FBN2: variants seen among roughly 807,000 people sequenced by gnomAD.
The protein encoded by FBN2 is fibrillin-2.
A neutral mutation model predicts 355.6 loss-of-function variants in FBN2; 105 were observed. That is an observed-to-expected ratio of 0.30 (90% confidence interval 0.25 to 0.35). The LOEUF (loss-of-function observed/expected upper bound fraction) is 0.35. Among genes scored for constraint, FBN2 ranks in the 10% least tolerant of loss-of-function variants. The probability of loss-of-function intolerance (pLI) is 1.00; values close to 1 mark genes in which losing one functional copy is unlikely to be tolerated. For missense variants in FBN2, 3,280 were observed against 3,758.7 expected, an observed-to-expected ratio of 0.87 and a Z score of 3.33; for synonymous variants, 1,350 against 1,301.2, an observed-to-expected ratio of 1.04 and a Z score of -0.81.
At chr5:128,514,542 A>G (rs905209724) in intron 5 of FBN2, among the ~76,000 whole-genome samples, 6 of 152,180 alleles carry the variant, frequency 3.9e-5, no homozygotes, top group African/African-American at 1.4e-4. Context: ...ATACTGTAAG[A>G]GTACTCAACA....
At chr5:128,509,342 T>C (rs1756049617) in intron 5 of FBN2, among the ~76,000 whole-genome samples, 1 of 152,114 alleles carries the variant, frequency 6.6e-6, no homozygotes, top group Non-Finnish European at 1.5e-5. Flanking sequence ...TCACTCGTCT[T>C]TTCGCCTATA....
intron 2 of FBN2, 140 bp downstream of exon 2, chr5:128,536,262 G>C (rs1013285191): frequency 1.5e-5 from 11 of 722,326 alleles, no homozygotes; most frequent in East Asian, 1.3e-4. Context: ...TATTCAAATG[G>C]GGCCGCGTCC....
At chr5:128,519,425 G>T in intron 4 of FBN2, 57 bp from the exon 5 acceptor site, 1 of 1,244,738 alleles carries the variant, frequency 8.0e-7, no homozygotes, top group Non-Finnish European at 1.2e-6. Flanking sequence ...GCACAATATA[G>T]TAGTGCAGTG....
At chr5:128,396,230 A>G (rs1752646413) in intron 8 of FBN2, among the ~76,000 whole-genome samples, 1 of 152,206 alleles carries the variant, frequency 6.6e-6, no homozygotes, top group African/African-American at 2.4e-5. Flanking sequence ...ATGGCGAGGG[A>G]AGAAACGGGA....
At chr5:128,279,027 T>G (rs1011890472) in intron 56 of FBN2, among the ~76,000 whole-genome samples, 186 bp from the exon 57 acceptor site, 5 of 152,230 alleles carry the variant, frequency 3.3e-5, no homozygotes, top group African/African-American at 1.2e-4. Context: ...GACTACAGTC[T>G]ATTAAATTTG....
chr5:128,392,888 T>G (rs567286184), intron 10 of FBN2, among the ~76,000 whole-genome samples: 2 of 152,186 alleles, frequency 1.3e-5, no homozygotes, highest in Non-Finnish European at 2.9e-5. Context: ...TTTTCTCTAA[T>G]TTAACAGAAA....
At chr5:128,428,310 C>T (rs1753534022) in intron 7 of FBN2, among the ~76,000 whole-genome samples, 1 of 152,198 alleles carries the variant, frequency 6.6e-6, no homozygotes, top group South Asian at 2.1e-4. Flanking sequence ...CAGCTCCCAT[C>T]CTTGAGAATT....
intron 34 of FBN2, among the ~76,000 whole-genome samples, chr5:128,321,778 A>C (rs1750381861): frequency 6.6e-6 from 1 of 152,142 alleles, no homozygotes. Context: ...TTTATAGCAG[A>C]ATGATTTATA....
Position 128,364,591 on chromosome 5 carries a change from A to G in FBN2, c.2428+9T>C, listed in dbSNP as rs368374358. On this transcript the variant is annotated intron_variant, in intron 18 of 64. Coordinates refer to ENST00000262464, the MANE Select transcript of FBN2 (RefSeq NM_001999.4). ...AAATGTTCTTGCATAAATATAACAA[A>G]TAACTTACCAATACAGTTTCTTCCA... The G allele has an allele frequency of 1.2e-6, 2 of 1,612,764 alleles. No homozygotes were observed. Among genetic ancestry groups the G allele is most frequent in the Non-Finnish European group, 1.7e-6 (2 of 1,178,926 alleles).
chr5:128,398,309 G>T (rs1752703587), intron 8 of FBN2, among the ~76,000 whole-genome samples: 1 of 151,452 alleles, frequency 6.6e-6, no homozygotes, highest in African/African-American at 2.4e-5. Context: ...TAAGTAACCA[G>T]TATATTTTTG....
intron 32 of FBN2, among the ~76,000 whole-genome samples, chr5:128,330,913 C>G (rs1362110926): frequency 6.6e-6 from 1 of 152,140 alleles, no homozygotes; most frequent in Non-Finnish European, 1.5e-5. Context: ...TGTGAGATAT[C>G]TAGTCAACGT....
chr5:128,465,784 T>G (rs1754696044), intron 5 of FBN2, among the ~76,000 whole-genome samples: 1 of 152,220 alleles, frequency 6.6e-6, no homozygotes, highest in Non-Finnish European at 1.5e-5. Flanking sequence ...AATTCTTCTA[T>G]GAATATTAAG....
intron 5 of FBN2, among the ~76,000 whole-genome samples, chr5:128,487,368 G>T (rs1755365521): frequency 6.6e-6 from 1 of 152,082 alleles, no homozygotes; most frequent in African/African-American, 2.4e-5. Flanking sequence ...TTTTACGGTT[G>T]GTTGTTATGA....
At position 128,312,775 on chromosome 5, in the gene FBN2, A is replaced by G. The variant is rs1060503508; in HGVS notation, c.4738T>C (p.Tyr1580His). 5.6e-6 allele frequency: 9 copies of G among 1,613,920 alleles called. No individual in the cohort carries two copies. Among genetic ancestry groups the G allele is most frequent in the Non-Finnish European group, 6.8e-6 (8 of 1,180,020 alleles). ...TCTCCTCGAGGTCCAAACTTCAGGT[A>G]GCAGTTGCCCACACGGTTGTCTGCA... ...GCVDNRVGNC[Y>H]LKFGPRGDGS... Residue 1580 changes from tyrosine to histidine, a missense_variant, in exon 37 of 65, where the codon TAC becomes CAC. Physicochemically the swap from Tyr to His is moderately conservative, Grantham distance 83. Around this residue, in one of 6 missense-constraint regions of FBN2, gnomAD observed 2,284 missense variants for 2,749.5 expected, o/e 0.83. Transcript: ENST00000262464.
chr5:128,280,123 C>G, intron 56 of FBN2, 69 bp downstream of exon 56: 1 of 1,266,734 alleles, frequency 7.9e-7, no homozygotes, highest in Non-Finnish European at 1.1e-6. Context: ...ATATGTGGAG[C>G]TCTTCTGTGA....
chr5:128,335,101 G>C, intron 30 of FBN2, 69 bp downstream of exon 30: 2 of 1,595,686 alleles, frequency 1.3e-6, no homozygotes, highest in Non-Finnish European at 1.7e-6. Flanking sequence ...CTTTTATCAC[G>C]CTTGTGTGTG....
chr5:128,511,565 G>A (rs1156351401), intron 5 of FBN2, among the ~76,000 whole-genome samples: 1 of 152,132 alleles, frequency 6.6e-6, no homozygotes, highest in African/African-American at 2.4e-5. Flanking sequence ...TGCACTGTGT[G>A]GAGTATAAGA....
chr5:128,488,718 T>C (rs1341394292), intron 5 of FBN2, among the ~76,000 whole-genome samples: 1 of 151,536 alleles, frequency 6.6e-6, no homozygotes, highest in Non-Finnish European at 1.5e-5. Context: ...GTTCTCATTG[T>C]TAATTCCCAT....
rs776423527 is a variant in FBN2 at position 128,517,080 on chromosome 5, T to TC, written c.628+2192_628+2193insG. 2.6e-5 allele frequency among the ~76,000 whole-genome samples: 4 copies of TC among 151,948 alleles called. No individual in the cohort carries two copies. The South Asian group carries it at 8.3e-4, about 31-fold the overall frequency. On this transcript the variant is annotated intron_variant, in intron 5 of 64. Coordinates refer to ENST00000262464, the MANE Select transcript of FBN2 (RefSeq NM_001999.4). ...AACTAATTAATCTTACAATTTTTTT[T>TC]GGAAAACATGCTACTGTACATGTAA...
Sources: allele counts gnomAD v4.1 joint callset (sites outside exome capture counted in the v4.1 genomes callset), GRCh38; gene constraint gnomAD v4.1.1; regional missense constraint gnomAD v4.1.1; transcripts MANE v1.5; gene names NCBI Gene and HGNC (gene_info 2026-07-23, HGNC 2026-07-21).